The following TENM3 variants were observed in gnomAD, a reference collection of about 807,000 sequenced individuals.
The protein encoded by TENM3 is teneurin-3.
In TENM3, 63 loss-of-function variants were observed where a neutral mutation model predicts 255.1. That is an observed-to-expected ratio of 0.25 (90% CI 0.20 to 0.30). The LOEUF is 0.30. Ranked by LOEUF, TENM3 falls within the 10% of genes least tolerant of loss-of-function variation. The pLI, the probability that TENM3 is intolerant of heterozygous loss-of-function variation, is 1.00. For synonymous variants in TENM3, 1,306 were observed against 1,322.3 expected, an observed-to-expected ratio of 0.99 and a Z score of 0.27; for missense variants, 2,929 against 3,461.1, an observed-to-expected ratio of 0.85 and a Z score of 3.86.
chr4:182,103,591 C>T, the TENM3 span, among the ~76,000 whole-genome samples: 136 of 152,284 alleles, frequency 8.9e-4, no homozygotes, highest in African/African-American at 3.2e-3. Flanking sequence ...GCCTGCAATC[C>T]AGCACTGCCC....
chr4:181,540,170 C>T, the TENM3 span, among the ~76,000 whole-genome samples: 3 of 152,106 alleles, frequency 2.0e-5, no homozygotes, highest in Admixed American at 1.3e-4. Flanking sequence ...GGGCCTATTA[C>T]AGGAGCCAAC....
the TENM3 span, among the ~76,000 whole-genome samples, chr4:181,919,687 C>A: frequency 2.0e-5 from 3 of 151,838 alleles, no homozygotes; most frequent in African/African-American, 7.3e-5. Flanking sequence ...CATGAGGGAC[C>A]ACCAAGGTTG....
At chr4:182,306,494 T>G (rs1006203880) in intron 1 of TENM3, among the ~76,000 whole-genome samples, 4 of 152,224 alleles carry the variant, frequency 2.6e-5, no homozygotes, top group Admixed American at 6.5e-5. Flanking sequence ...AATCTTTGAG[T>G]TACCTGGATG....
At chr4:182,032,327 G>T in the TENM3 span, among the ~76,000 whole-genome samples, 2 of 152,034 alleles carry the variant, frequency 1.3e-5, no homozygotes, top group Non-Finnish European at 2.9e-5. Context: ...TTTTGACTTT[G>T]GTTCTGTTTA....
At chr4:182,065,404 G>A in the TENM3 span, among the ~76,000 whole-genome samples, 1 of 152,220 alleles carries the variant, frequency 6.6e-6, no homozygotes, top group Non-Finnish European at 1.5e-5. Context: ...AGGAAGCATG[G>A]CTGGGGAGGC....
the TENM3 span, among the ~76,000 whole-genome samples, chr4:181,502,529 T>A: frequency 1.3e-5 from 2 of 152,186 alleles, no homozygotes; most frequent in Admixed American, 1.3e-4. Context: ...AGAACAGAAC[T>A]AGTGGGAATT....
chr4:181,568,435 AC>A, the TENM3 span, among the ~76,000 whole-genome samples: 1 of 151,522 alleles, frequency 6.6e-6, no homozygotes, highest in East Asian at 1.9e-4. Flanking sequence ...CAGATGATCC[AC>A]CCCTCATCCT....
chr4:181,786,755 G>A, the TENM3 span, among the ~76,000 whole-genome samples: 31 of 151,970 alleles, frequency 2.0e-4, no homozygotes, highest in African/African-American at 7.2e-4. Flanking sequence ...AATTCCATAG[G>A]GAGTCGCTCC....
intron 1 of TENM3, among the ~76,000 whole-genome samples, chr4:182,235,790 C>G (rs1164417039): frequency 6.6e-6 from 1 of 152,190 alleles, no homozygotes; most frequent in Non-Finnish European, 1.5e-5. Flanking sequence ...GAGGTAGGAG[C>G]TTTATCTGTG....
At chr4:182,099,114 G>T in the TENM3 span, among the ~76,000 whole-genome samples, 1 of 151,390 alleles carries the variant, frequency 6.6e-6, no homozygotes, top group Admixed American at 6.6e-5. Context: ...GGTGTATGCC[G>T]CCACGCCCAG....
At chr4:182,014,778 A>G in the TENM3 span, among the ~76,000 whole-genome samples, 1 of 152,282 alleles carries the variant, frequency 6.6e-6, no homozygotes, top group Admixed American at 6.5e-5. Flanking sequence ...GGGGCGGCAG[A>G]GTCTTTGCAG....
intron 3 of TENM3, among the ~76,000 whole-genome samples, chr4:182,483,174 A>G (rs1734364205): frequency 6.6e-6 from 1 of 152,136 alleles, no homozygotes; most frequent in South Asian, 2.1e-4. Context: ...TTCTTGCTTT[A>G]TCTAGTGCTG....
the TENM3 span, among the ~76,000 whole-genome samples, chr4:181,486,621 G>C: frequency 6.6e-6 from 1 of 152,156 alleles, no homozygotes; most frequent in Non-Finnish European, 1.5e-5. Context: ...ACTTACATTA[G>C]ATGGGTCTCT....
chr4:182,711,528 A>G (rs1324345733), intron 12 of TENM3: 21 of 927,790 alleles, frequency 2.3e-5, no homozygotes, highest in Non-Finnish European at 2.7e-5. Flanking sequence ...CCCATGTGAC[A>G]CTTCTGAAAT....
the TENM3 span, among the ~76,000 whole-genome samples, chr4:181,784,765 T>G: frequency 1.3e-5 from 2 of 152,178 alleles, no homozygotes. Flanking sequence ...TAATTCATGA[T>G]TCAGAAAATA....
At chr4:182,463,730 T>A (rs2151408649) in intron 3 of TENM3, among the ~76,000 whole-genome samples, 1 of 152,066 alleles carries the variant, frequency 6.6e-6, no homozygotes, top group South Asian at 2.1e-4. Context: ...TTCAAGTGAT[T>A]CTCCTGCCTC....
intron 1 of TENM3, among the ~76,000 whole-genome samples, chr4:182,296,746 CA>C (rs1174134159): frequency 6.6e-6 from 1 of 152,202 alleles, no homozygotes; most frequent in Non-Finnish European, 1.5e-5. Context: ...TAAATATTAT[CA>C]TGGGATTAAA....
At chr4:182,062,154 C>T in the TENM3 span, among the ~76,000 whole-genome samples, 3 of 152,218 alleles carry the variant, frequency 2.0e-5, no homozygotes, top group African/African-American at 4.8e-5. Context: ...ATCAAACACA[C>T]GCTGGTAGTA....
chr4:181,894,393 A>G, the TENM3 span, among the ~76,000 whole-genome samples: 1 of 152,120 alleles, frequency 6.6e-6, no homozygotes, highest in Admixed American at 6.6e-5. Flanking sequence ...GACTTCACAC[A>G]CAGATATTCT....
Sources: gnomAD v4.1 joint callset for allele counts (sites outside exome capture counted in the v4.1 genomes callset) on GRCh38, gnomAD v4.1.1 for gene constraint, MANE v1.5 for transcripts, NCBI Gene and HGNC (gene_info 2026-07-23, HGNC 2026-07-21) for gene names.